MTRF1: variants seen among roughly 807,000 people sequenced by gnomAD.
The protein encoded by MTRF1 is mitochondrial translation release factor 1, also known as peptide chain release factor 1, mitochondrial.
Under a neutral mutation model 62.9 loss-of-function variants are expected in MTRF1, and 51 were observed. That is an observed-to-expected ratio of 0.81 (90% CI 0.65 to 1.02). MTRF1 has a LOEUF of 1.02. MTRF1 is among the 50% of genes least tolerant of loss of function. The pLI, the probability that MTRF1 is intolerant of heterozygous loss-of-function variation, is 0.00. For missense variants in MTRF1, 446 were observed against 530.0 expected, an observed-to-expected ratio of 0.84 and a Z score of 1.56; for synonymous variants, 158 against 181.9, an observed-to-expected ratio of 0.87 and a Z score of 1.06.
At chr13:41,270,056 C>T in the MTRF1 span, among the ~76,000 whole-genome samples, 50 of 152,286 alleles carry the variant, frequency 3.3e-4, no homozygotes, top group Middle Eastern at 6.8e-3. Flanking sequence ...TTCCATTAAA[C>T]CAATATCAAT....
Position 41,216,950 on chromosome 13 carries a change from TA to T in MTRF1, c.*164del. 2.3e-6 allele frequency: 1 copy of T among 432,444 alleles called. No homozygotes were observed. The highest frequency in any genetic ancestry group is 4.1e-6 in the Non-Finnish European group (1 of 244,588). 26.8% of individuals were successfully genotyped at this position (432,444 alleles called of 1,614,324 possible). On this transcript the variant is annotated 3_prime_UTR_variant, in exon 10 of 10. Coordinates refer to ENST00000379480, the MANE Select transcript of MTRF1 (RefSeq NM_004294.4). The stretch of plus-strand genomic sequence containing the variant: ...TTACAGGAAACCTAAAATAAATTCT[TA>T]GGTCAGGAAATGTGACTTCGATTAA...
the MTRF1 span, among the ~76,000 whole-genome samples, chr13:41,300,633 C>T: frequency 6.6e-6 from 1 of 151,458 alleles, no homozygotes; most frequent in Admixed American, 6.6e-5. Context: ...TGGGCCTGAA[C>T]TCCTGGCCTC....
intron 1 of MTRF1, among the ~76,000 whole-genome samples, chr13:41,261,165 C>G (rs2040409586): frequency 6.6e-6 from 1 of 152,172 alleles, no homozygotes; most frequent in African/African-American, 2.4e-5. Flanking sequence ...GAAACACTGT[C>G]TCTACTAAAA....
At chr13:41,227,962 G>A (rs914911054) in intron 7 of MTRF1, among the ~76,000 whole-genome samples, 5 of 152,044 alleles carry the variant, frequency 3.3e-5, no homozygotes, top group East Asian at 1.9e-4. Context: ...CTTGACTCTC[G>A]TATCCTTTTT....
the MTRF1 span, among the ~76,000 whole-genome samples, chr13:41,271,175 A>G: frequency 6.6e-6 from 1 of 152,206 alleles, no homozygotes; most frequent in Non-Finnish European, 1.5e-5. Flanking sequence ...GGATCCAAAC[A>G]GTGGTTTTTA....
At chr13:41,248,066 C>T (rs898497075) in intron 5 of MTRF1, among the ~76,000 whole-genome samples, 4 of 152,150 alleles carry the variant, frequency 2.6e-5, no homozygotes, top group Admixed American at 6.5e-5. Context: ...AGTCCCTTTG[C>T]GGAGGCTGGG....
intron 5 of MTRF1, among the ~76,000 whole-genome samples, chr13:41,250,057 T>C (rs1039179701): frequency 1.3e-5 from 2 of 152,194 alleles, no homozygotes; most frequent in Non-Finnish European, 2.9e-5. Flanking sequence ...AATCATTGTT[T>C]AGGCTGCTAT....
At chr13:41,220,486 T>G in intron 9 of MTRF1, 1 of 837,636 alleles carries the variant, frequency 1.2e-6, no homozygotes, top group Non-Finnish European at 1.7e-6. Context: ...AACAATACAT[T>G]ATATGGTAGT....
chr13:41,278,293 G>A, the MTRF1 span, among the ~76,000 whole-genome samples: 73 of 152,220 alleles, frequency 4.8e-4, no homozygotes, highest in Non-Finnish European at 7.3e-5. Context: ...TGGACAAAAT[G>A]CACAAACAAA....
the MTRF1 span, among the ~76,000 whole-genome samples, chr13:41,271,596 G>A: frequency 6.6e-6 from 1 of 151,976 alleles, no homozygotes; most frequent in African/African-American, 2.4e-5. Context: ...TCTCCGAGAG[G>A]GCTTAAAACA....
chr13:41,288,240 T>A, the MTRF1 span: 1 of 419,610 alleles, frequency 2.4e-6, no homozygotes, highest in Non-Finnish European at 4.7e-6. Context: ...CATTGGGAAA[T>A]GCATTGGGTG....
the MTRF1 span, among the ~76,000 whole-genome samples, chr13:41,309,312 A>G: frequency 2.0e-5 from 3 of 149,656 alleles, no homozygotes; most frequent in East Asian, 5.9e-4. Context: ...AGTAGCTGGG[A>G]CTACAGGCAC....
the MTRF1 span, among the ~76,000 whole-genome samples, chr13:41,305,985 A>C: frequency 6.6e-6 from 1 of 152,372 alleles, no homozygotes; most frequent in African/African-American, 2.4e-5. Flanking sequence ...GAGAGAGAAC[A>C]TGCAAACTGG....
At chr13:41,256,804 T>A (rs1293928730) in intron 2 of MTRF1, among the ~76,000 whole-genome samples, 2 of 152,246 alleles carry the variant, frequency 1.3e-5, no homozygotes, top group Non-Finnish European at 2.9e-5. Flanking sequence ...ACCTGTAGAA[T>A]CCGTCTAATT....
chr13:41,289,320 C>T, the MTRF1 span, among the ~76,000 whole-genome samples: 81 of 151,740 alleles, frequency 5.3e-4, 3 homozygotes, highest in East Asian at 0.014. Context: ...TCACTGCACC[C>T]TCTGCCTCCT....
chr13:41,273,309 G>C, the MTRF1 span, among the ~76,000 whole-genome samples: 5 of 146,448 alleles, frequency 3.4e-5, no homozygotes, highest in South Asian at 4.4e-4. Context: ...CTGGGCTACA[G>C]AGCGAGACTC....
intron 8 of MTRF1, among the ~76,000 whole-genome samples, chr13:41,224,219 A>G (rs549956590): frequency 6.6e-6 from 1 of 152,148 alleles, no homozygotes; most frequent in African/African-American, 2.4e-5. Context: ...GGCCCCAGCA[A>G]TTGAAATACA....
At chr13:41,258,668 C>T (rs563058938) in intron 2 of MTRF1, among the ~76,000 whole-genome samples, 15 of 150,790 alleles carry the variant, frequency 9.9e-5, no homozygotes, top group African/African-American at 2.9e-4. Flanking sequence ...ATAAAAAATA[C>T]GTCAGTCTTG....
chr13:41,281,719 G>A, the MTRF1 span, among the ~76,000 whole-genome samples: 3 of 152,178 alleles, frequency 2.0e-5, no homozygotes, highest in African/African-American at 7.2e-5. Flanking sequence ...CTTTGTAACA[G>A]TACTGACTCC....
Sources: allele counts gnomAD v4.1 joint callset (sites outside exome capture counted in the v4.1 genomes callset), GRCh38; gene constraint gnomAD v4.1.1; transcripts MANE v1.5; gene names NCBI Gene and HGNC (gene_info 2026-07-23, HGNC 2026-07-21).